KALRN: variants seen among roughly 807,000 people sequenced by gnomAD.
KALRN encodes kalirin.
Under a neutral mutation model 353.7 loss-of-function variants are expected in KALRN, and 70 were observed. The ratio of observed to expected loss-of-function variants is 0.20; its 90% CI spans 0.16 to 0.24. The LOEUF (loss-of-function observed/expected upper bound fraction) is 0.24, where lower values mean the gene tolerates loss of function less well. KALRN is among the 10% of genes least tolerant of loss of function. The pLI, the probability that KALRN is intolerant of heterozygous loss-of-function variation, is 1.00. For missense variants in KALRN, 2,791 were observed against 3,756.7 expected (o/e 0.74, Z 6.72); for synonymous variants, 1,391 against 1,434.8 (o/e 0.97, Z 0.69).
intron 14 of KALRN, among the ~76,000 whole-genome samples, chr3:124,414,096 GA>G (rs1026919475): frequency 8.1e-4 from 118 of 145,988 alleles, no homozygotes; most frequent in Non-Finnish European, 1.2e-3. Flanking sequence ...AGAGTCAGAT[GA>G]AAAAAAAAAG....
chr3:124,552,149 G>A (rs556683521), intron 33 of KALRN, among the ~76,000 whole-genome samples: 1 of 152,306 alleles, frequency 6.6e-6, no homozygotes, highest in South Asian at 2.1e-4. Flanking sequence ...CAAGATGTCT[G>A]CTGACATTTC....
chr3:124,110,787 C>G (rs2062886864), intron 1 of KALRN, among the ~76,000 whole-genome samples: 1 of 152,114 alleles, frequency 6.6e-6, no homozygotes, highest in Non-Finnish European at 1.5e-5. Context: ...TCTAGGCTAC[C>G]TTTATCTTGA....
intron 5 of KALRN, among the ~76,000 whole-genome samples, chr3:124,271,846 C>T (rs1447933163): frequency 6.6e-6 from 1 of 152,202 alleles, no homozygotes; most frequent in African/African-American, 2.4e-5. Context: ...AGCATATGGA[C>T]CCCTTCTCAG....
intron 5 of KALRN, among the ~76,000 whole-genome samples, chr3:124,293,946 A>G (rs1035314574): frequency 3.3e-5 from 5 of 152,132 alleles, no homozygotes; most frequent in African/African-American, 9.7e-5. Context: ...TCATTCATTC[A>G]TTCATTCAGT....
At chr3:124,519,850 A>G (rs755420400) in intron 33 of KALRN, 49 of 985,424 alleles carry the variant, frequency 5.0e-5, no homozygotes, top group Non-Finnish European at 5.9e-5. Context: ...ATTCTAAAGC[A>G]GGCTGTTGAT....
chr3:124,140,218 C>T (rs2066454821), intron 1 of KALRN, among the ~76,000 whole-genome samples: 1 of 152,224 alleles, frequency 6.6e-6, no homozygotes, highest in South Asian at 2.1e-4. Context: ...CATTAAAACC[C>T]TGGCTCCCCC....
At chr3:124,173,247 A>G (rs758485437) in intron 1 of KALRN, among the ~76,000 whole-genome samples, 1 of 152,332 alleles carries the variant, frequency 6.6e-6, no homozygotes, top group East Asian at 1.9e-4. Context: ...AATTTGATGA[A>G]CATGTATTGC....
At chr3:124,641,017 T>A (rs1009809281) in intron 37 of KALRN, among the ~76,000 whole-genome samples, 18 of 152,258 alleles carry the variant, frequency 1.2e-4, no homozygotes, top group African/African-American at 4.1e-4. Context: ...TTAGAATTCG[T>A]TTGGCTCCCT....
chr3:124,253,617 T>A (rs1273319773), intron 3 of KALRN, among the ~76,000 whole-genome samples: 1 of 152,174 alleles, frequency 6.6e-6, no homozygotes, highest in East Asian at 1.9e-4. Context: ...GCCTTGTCCT[T>A]CTTCTCTGTC....
intron 10 of KALRN, among the ~76,000 whole-genome samples, chr3:124,373,083 T>A (rs1433207027): frequency 2.0e-5 from 3 of 152,160 alleles, no homozygotes; most frequent in Admixed American, 1.3e-4. Flanking sequence ...TCATACCCCT[T>A]GGCCCTCAAC....
chr3:124,589,051 C>T (rs1031975516), intron 34 of KALRN, among the ~76,000 whole-genome samples: 2 of 152,124 alleles, frequency 1.3e-5, no homozygotes, highest in Non-Finnish European at 2.9e-5. Flanking sequence ...TCCTGCTTGT[C>T]TCTGATGTCA....
chr3:124,083,892 G>A (rs1013590010), intron 1 of KALRN, among the ~76,000 whole-genome samples: 5 of 152,226 alleles, frequency 3.3e-5, no homozygotes, highest in African/African-American at 9.6e-5. Context: ...TCAGGCAGAC[G>A]ATGAGATTCC....
rs763653696 is a variant in KALRN, at chr3:124,724,545, G to A, written c.*5075G>A. ...CTTAGAGACGACAGAGCTCACACAC[G>A]CTCCATCAAGAAAAGGAAAGCTACT... On this transcript the variant is annotated 3_prime_UTR_variant, in exon 60 of 60. Coordinates refer to ENST00000682506, the MANE Select transcript of KALRN (RefSeq NM_001388419.1). 2 of 152,040 alleles carry A rather than the reference G, an allele frequency of 1.3e-5. No homozygotes were observed. The highest frequency in any genetic ancestry group is 4.8e-5 in the African/African-American group (2 of 41,390). 9.4% of individuals were successfully genotyped at this position (152,040 alleles called of 1,614,324 possible). A position where few individuals can be genotyped will look rare whatever the true frequency, so the allele number is the denominator to read the frequency against.
intron 1 of KALRN, among the ~76,000 whole-genome samples, chr3:124,105,709 C>T (rs1349367852): frequency 3.3e-5 from 5 of 152,154 alleles, no homozygotes; most frequent in African/African-American, 9.6e-5. Context: ...AACCAGATTG[C>T]AGTGGGAGGA....
At chr3:124,323,982 C>T (rs912571187) in intron 6 of KALRN, among the ~76,000 whole-genome samples, 18 of 152,232 alleles carry the variant, frequency 1.2e-4, no homozygotes, top group East Asian at 3.9e-4. Context: ...TTTGTGGGTT[C>T]GGCTGGAAAT....
intron 1 of KALRN, among the ~76,000 whole-genome samples, chr3:124,098,085 C>T (rs914086217): frequency 5.9e-5 from 9 of 152,148 alleles, no homozygotes; most frequent in Non-Finnish European, 1.0e-4. Context: ...TAGGGGTTTA[C>T]GTTCCTTTGT....
rs183212271 is a variant in KALRN, at chr3:124,152,633, G to T, written c.74-75357G>T. 9.1e-4 allele frequency: 510 copies of T among 561,586 alleles called. 1 individual carries two copies. The African/African-American group carries it at 9.9e-3, about 11-fold the overall frequency. The allele number at this position is 561,586 out of a possible 1,614,324, so 34.8% of individuals were successfully genotyped here. Reference sequence around the variant, plus strand: ...TTTTGAGACAGAGCCTCTCTCTGTTGCCCAGGCTGGAGTGCAGTGGTGCAA... The same window carrying T: ...TTTTGAGACAGAGCCTCTCTCTGTTTCCCAGGCTGGAGTGCAGTGGTGCAA... On this transcript the variant is annotated intron_variant, in intron 1 of 59. Transcript: ENST00000682506.
chr3:124,154,090 G>T (rs530471702), intron 1 of KALRN, among the ~76,000 whole-genome samples: 130 of 152,276 alleles, frequency 8.5e-4, no homozygotes, highest in African/African-American at 2.9e-3. Flanking sequence ...TCTGATGGTA[G>T]TTTCTTTTGC....
intron 1 of KALRN, among the ~76,000 whole-genome samples, chr3:124,080,697 A>G (rs1423672596): frequency 6.6e-6 from 1 of 152,200 alleles, no homozygotes; most frequent in Non-Finnish European, 1.5e-5. Context: ...GGTAGATACA[A>G]AAGACTGGGT....
Sources: gnomAD v4.1 joint callset for allele counts (sites outside exome capture counted in the v4.1 genomes callset) on GRCh38, gnomAD v4.1.1 for gene constraint, MANE v1.5 for transcripts, NCBI Gene and HGNC (gene_info 2026-07-23, HGNC 2026-07-21) for gene names.